The following RASAL2 variants were observed in gnomAD, a reference collection of about 807,000 sequenced individuals.
The protein encoded by RASAL2 is RAS protein activator like 2.
In RASAL2, 58 loss-of-function variants were observed where a neutral mutation model predicts 128.9. That is an observed-to-expected ratio of 0.45 (90% CI 0.36 to 0.56). RASAL2 has a LOEUF of 0.56. Among genes scored for constraint, RASAL2 ranks in the 20% least tolerant of loss-of-function variants. RASAL2 has a pLI of 0.00. For synonymous variants in RASAL2, 561 were observed against 580.8 expected, an observed-to-expected ratio of 0.97 and a Z score of 0.49; for missense variants, 1,360 against 1,601.6, an observed-to-expected ratio of 0.85 and a Z score of 2.57.
chr1:178,151,942 T>C (rs1333899012), intron 1 of RASAL2, among the ~76,000 whole-genome samples: 1 of 152,148 alleles, frequency 6.6e-6, no homozygotes, highest in Non-Finnish European at 1.5e-5. Context: ...TTATGTTTGG[T>C]CTTTGTCTCT....
intron 1 of RASAL2, among the ~76,000 whole-genome samples, chr1:178,116,068 C>T (rs1311712166): frequency 6.6e-6 from 1 of 152,080 alleles, no homozygotes; most frequent in Non-Finnish European, 1.5e-5. Flanking sequence ...TTTTAAAATC[C>T]TATTCATCCG....
At chr1:178,443,260 A>C (rs997264761) in intron 8 of RASAL2, 31 bp downstream of exon 8, 2 of 1,532,088 alleles carry the variant, frequency 1.3e-6, no homozygotes, top group African/African-American at 2.7e-5. Flanking sequence ...GCAGTACCTG[A>C]AGTCTCTTCC....
chr1:178,436,982 T>A (rs1339507380), intron 5 of RASAL2, among the ~76,000 whole-genome samples: 2 of 152,118 alleles, frequency 1.3e-5, no homozygotes, highest in Admixed American at 1.3e-4. Context: ...TCACCATTCC[T>A]TCCTTTCTGT....
chr1:178,242,062 G>A (rs1664522961), intron 1 of RASAL2, among the ~76,000 whole-genome samples: 1 of 152,180 alleles, frequency 6.6e-6, no homozygotes, highest in Non-Finnish European at 1.5e-5. Context: ...ATCTCTTTGG[G>A]TAGTTTTCTT....
chr1:178,321,530 G>T (rs772654101), intron 3 of RASAL2, among the ~76,000 whole-genome samples: 1 of 150,436 alleles, frequency 6.6e-6, no homozygotes, highest in African/African-American at 2.5e-5. Flanking sequence ...TTTTTAGCTG[G>T]TGTCTCGCTT....
chr1:178,392,437 G>A (rs973563116), intron 4 of RASAL2, among the ~76,000 whole-genome samples: 8 of 152,138 alleles, frequency 5.3e-5, no homozygotes, highest in South Asian at 4.1e-4. Context: ...GGCAAAAATC[G>A]CAGGTGAGAA....
intron 5 of RASAL2, among the ~76,000 whole-genome samples, chr1:178,431,582 TTGAAGTA>T (rs1675904847): frequency 6.6e-6 from 1 of 152,002 alleles, no homozygotes; most frequent in Non-Finnish European, 1.5e-5. Context: ...ATCTGAGAAT[TTGAAGTA>T]TGAATGTATG....
intron 3 of RASAL2, among the ~76,000 whole-genome samples, chr1:178,368,937 CT>C (rs1671554927): frequency 6.6e-6 from 1 of 152,104 alleles, no homozygotes; most frequent in African/African-American, 2.4e-5. Flanking sequence ...AGCATTATTT[CT>C]GACAGCCCTA....
chr1:178,260,808 T>G (rs1327190018), intron 1 of RASAL2, among the ~76,000 whole-genome samples: 2 of 152,170 alleles, frequency 1.3e-5, no homozygotes, highest in Non-Finnish European at 2.9e-5. Flanking sequence ...TGGAGAGGAC[T>G]GCTCTTCAAC....
chr1:178,378,744 G>A (rs1228458781), intron 3 of RASAL2, among the ~76,000 whole-genome samples: 4 of 152,120 alleles, frequency 2.6e-5, no homozygotes, highest in African/African-American at 7.2e-5. Context: ...ACTGAAAATA[G>A]TGTATATCAA....
At chr1:178,470,905 A>G (rs2102966576) in intron 17 of RASAL2, among the ~76,000 whole-genome samples, 1 of 152,272 alleles carries the variant, frequency 6.6e-6, no homozygotes, top group East Asian at 1.9e-4. Context: ...TCTTTTGTCA[A>G]CTGAACTTGA....
At chr1:178,216,191 T>C (rs1331430796) in intron 1 of RASAL2, among the ~76,000 whole-genome samples, 1 of 152,234 alleles carries the variant, frequency 6.6e-6, no homozygotes, top group Non-Finnish European at 1.5e-5. Flanking sequence ...ACTCATTTTA[T>C]GTTTTTTACT....
chr1:178,458,313 G>A lies in RASAL2; in HGVS notation c.3021G>A (p.Gly1007=). ...PLALPRQNST[G]QAQIRKVDQG... is the part of the protein sequence containing the mutation. Reference sequence around the variant, plus strand: ...CTTTGCCACGACAAAATAGTACTGGGCAGGCCCAGATCCGAAAAGTGGACC... The same window carrying A: ...CTTTGCCACGACAAAATAGTACTGGACAGGCCCAGATCCGAAAAGTGGACC... Residue 1007 remains glycine (G), a synonymous_variant, in exon 14 of 18, where the codon GGG becomes GGA. Coordinates refer to ENST00000367649, the MANE Select transcript of RASAL2 (RefSeq NM_170692.4). 1 of 1,614,238 alleles carries A rather than the reference G, an allele frequency of 6.2e-7. No homozygotes were observed.
intron 4 of RASAL2, among the ~76,000 whole-genome samples, chr1:178,392,394 G>A (rs1188816192): frequency 6.6e-6 from 1 of 152,178 alleles, no homozygotes; most frequent in Non-Finnish European, 1.5e-5. Context: ...ATTATAGAAA[G>A]AACTGAGTGA....
At chr1:178,103,239 A>G (rs1321431288) in intron 1 of RASAL2, among the ~76,000 whole-genome samples, 4 of 151,372 alleles carry the variant, frequency 2.6e-5, no homozygotes, top group African/African-American at 9.7e-5. Flanking sequence ...TTCATTTTGT[A>G]AAGAGGTACC....
At chr1:178,370,368 C>T (rs1415628978) in intron 3 of RASAL2, among the ~76,000 whole-genome samples, 2 of 152,104 alleles carry the variant, frequency 1.3e-5, no homozygotes, top group Non-Finnish European at 1.5e-5. Context: ...ACTGGTGTGT[C>T]ATGAAGTTAT....
chr1:178,124,524 A>G (rs757929588), intron 1 of RASAL2, among the ~76,000 whole-genome samples: 3 of 152,216 alleles, frequency 2.0e-5, no homozygotes, highest in South Asian at 2.1e-4. Context: ...TTCTCTGTAG[A>G]TAAGAGTTTA....
chr1:178,130,850 C>A (rs143576904), intron 1 of RASAL2, among the ~76,000 whole-genome samples: 2 of 151,998 alleles, frequency 1.3e-5, no homozygotes, highest in Non-Finnish European at 2.9e-5. Context: ...GTCAGGAGAT[C>A]GAGACCATCC....
intron 5 of RASAL2, among the ~76,000 whole-genome samples, chr1:178,426,911 A>G (rs1557980446): frequency 6.6e-6 from 1 of 152,170 alleles, no homozygotes; most frequent in Non-Finnish European, 1.5e-5. Flanking sequence ...CCAGCAGTGG[A>G]ATTTCAGGTA....
Sources: allele counts gnomAD v4.1 joint callset (sites outside exome capture counted in the v4.1 genomes callset), GRCh38; gene constraint gnomAD v4.1.1; transcripts MANE v1.5; gene names NCBI Gene and HGNC (gene_info 2026-07-23, HGNC 2026-07-21).